The following STAT3 variants were observed in gnomAD, a reference collection of about 807,000 sequenced individuals.
The protein encoded by STAT3 is signal transducer and activator of transcription 3.
Under a neutral mutation model 114.3 loss-of-function variants are expected in STAT3, and 7 were observed. The observed-to-expected ratio is 0.06, with a 90% CI of 0.03 to 0.11. The LOEUF (loss-of-function observed/expected upper bound fraction) is 0.11, where lower values mean the gene tolerates loss of function less well. Among genes scored for constraint, STAT3 ranks in the 10% least tolerant of loss-of-function variants. STAT3 has a pLI of 1.00. For synonymous variants in STAT3, 331 were observed against 354.5 expected, an observed-to-expected ratio of 0.93 and a Z score of 0.74; for missense variants, 364 against 960.9, an observed-to-expected ratio of 0.38 and a Z score of 8.21.
chr17:42,314,188 C>T lies in STAT3; in HGVS notation c.*1557G>A, dbSNP rs1598375353. ...CAGAGGGAGGCCAGGTATACACCCT[C>T]ATACGAGGGCAGACTCAAGTTTATC... On this transcript the variant is annotated 3_prime_UTR_variant, in exon 24 of 24. Coordinates refer to ENST00000264657, the MANE Select transcript of STAT3 (RefSeq NM_139276.3). The T allele has an allele frequency of 4.3e-6, 1 of 232,584 alleles. No homozygotes were observed. Among genetic ancestry groups the T allele is most frequent in the Non-Finnish European group, 8.5e-6 (1 of 117,412 alleles). The allele number at this position is 232,584 out of a possible 1,614,324, so 14.4% of individuals were successfully genotyped here. A position where few individuals can be genotyped will look rare whatever the true frequency, so the allele number is the denominator to read the frequency against.
chr17:42,358,743 T>C (rs1409261542), intron 1 of STAT3, among the ~76,000 whole-genome samples: 1 of 152,098 alleles, frequency 6.6e-6, no homozygotes, highest in Non-Finnish European at 1.5e-5. Flanking sequence ...TTGGGAATGG[T>C]ATTTCACTAC....
intron 1 of STAT3, among the ~76,000 whole-genome samples, chr17:42,370,657 C>A (rs1367475686): frequency 6.6e-6 from 1 of 151,046 alleles, no homozygotes; most frequent in Non-Finnish European, 1.5e-5. Context: ...AGACAGAATC[C>A]TGCTCTGTCA....
Position 42,333,604 on chromosome 17 carries a change from A to C in STAT3, c.1049+69T>G, listed in dbSNP as rs1310884217. 4 of 1,571,924 alleles carry C rather than the reference A, an allele frequency of 2.5e-6. No individual in the cohort carries two copies. The highest frequency in any genetic ancestry group is 1.4e-5 in the African/African-American group (1 of 74,058). On this transcript the variant is annotated intron_variant, in intron 10 of 23. Transcript: ENST00000264657. This position sits in a 1 kb window ranked among gnomAD's most constrained non-coding sequence, Gnocchi z 5.2. ...CCTGGAAAGAATGACCCTGGCCACC[A>C]ACTCTACCCTCACCCTAACAGTGTC...
chr17:42,323,194 C>A (rs530698170), intron 19 of STAT3, 51 bp from the exon 20 acceptor site: 1 of 1,614,178 alleles, frequency 6.2e-7, no homozygotes, highest in Non-Finnish European at 8.5e-7. Flanking sequence ...GGGCATCCAT[C>A]CCCTGCCACT....
chr17:42,366,020 C>T (rs1373638073), intron 1 of STAT3, among the ~76,000 whole-genome samples: 3 of 152,138 alleles, frequency 2.0e-5, no homozygotes, highest in Non-Finnish European at 2.9e-5. Flanking sequence ...TTCAGCCCCA[C>T]TTTCTTTCAA....
intron 11 of STAT3, 86 bp downstream of exon 11, chr17:42,331,386 A>G: frequency 8.2e-7 from 1 of 1,213,890 alleles, no homozygotes; most frequent in Admixed American, 2.0e-5. Flanking sequence ...GAATAAAGAC[A>G]GAGTCTCTAG....
intron 2 of STAT3, among the ~76,000 whole-genome samples, chr17:42,347,479 T>C (rs1008468695): frequency 3.3e-5 from 5 of 152,164 alleles, no homozygotes; most frequent in African/African-American, 1.2e-4. Context: ...CCAAAATCAG[T>C]AGTGAGCCTG....
intron 1 of STAT3, among the ~76,000 whole-genome samples, chr17:42,380,315 G>A (rs1422421950): frequency 9.5e-5 from 14 of 147,858 alleles, no homozygotes; most frequent in Non-Finnish European, 9.0e-5. Context: ...GAGCCACCAT[G>A]CCCGACCTCC....
chr17:42,345,299 G>C (rs2082646708), intron 4 of STAT3: 1 of 427,542 alleles, frequency 2.3e-6, no homozygotes, highest in South Asian at 2.8e-5. Flanking sequence ...AAGAAAATTT[G>C]TCAGAACAAA....
At chr17:42,384,273 C>T (rs539483338) in intron 1 of STAT3, among the ~76,000 whole-genome samples, 5 of 151,270 alleles carry the variant, frequency 3.3e-5, no homozygotes, top group African/African-American at 1.2e-4. Flanking sequence ...GGACTACAGA[C>T]GCCCGCCACA....
chr17:42,329,273 C>G, intron 14 of STAT3, 137 bp downstream of exon 14: 1 of 1,278,806 alleles, frequency 7.8e-7, no homozygotes, highest in East Asian at 2.3e-5. Flanking sequence ...GTCACTTTGG[C>G]CTGAAGTGAC....
intron 1 of STAT3, among the ~76,000 whole-genome samples, chr17:42,369,642 CTTTTT>C: frequency 6.6e-6 from 1 of 151,678 alleles, no homozygotes; most frequent in East Asian, 1.9e-4. Context: ...AATTCAGTTT[CTTTTT>C]TTTGTTTTGT....
intron 1 of STAT3, among the ~76,000 whole-genome samples, chr17:42,348,819 C>A (rs1254499819): frequency 3.9e-5 from 6 of 151,960 alleles, no homozygotes. Flanking sequence ...AGCCAACACA[C>A]CCAGCCTGTT....
chr17:42,347,990 G>A (rs2082773103), intron 2 of STAT3, among the ~76,000 whole-genome samples: 1 of 152,188 alleles, frequency 6.6e-6, no homozygotes, highest in South Asian at 2.1e-4. Flanking sequence ...ATACACCCCT[G>A]TGGCTCCTTC....
At chr17:42,331,266 G>A (rs1484245620) in intron 11 of STAT3, among the ~76,000 whole-genome samples, 1 of 152,138 alleles carries the variant, frequency 6.6e-6, no homozygotes, top group Non-Finnish European at 1.5e-5. Context: ...TGTCACAATA[G>A]CAACCACAAA....
intron 1 of STAT3, among the ~76,000 whole-genome samples, chr17:42,365,678 C>T (rs1455132477): frequency 5.8e-5 from 8 of 137,846 alleles, no homozygotes; most frequent in Non-Finnish European, 9.3e-5. Context: ...TTTTTTGAGA[C>T]GGAGTCTTGC....
chr17:42,362,074 T>A (rs1164609668), intron 1 of STAT3, among the ~76,000 whole-genome samples: 1 of 152,218 alleles, frequency 6.6e-6, no homozygotes, highest in Non-Finnish European at 1.5e-5. Flanking sequence ...GGTATTCAGA[T>A]GGCGGTCACA....
In STAT3 at chr17:42,314,620, C is replaced by T. The variant is rs377364072; in HGVS notation, c.*1125G>A. The T allele has an allele frequency of 2.7e-4, 62 of 231,118 alleles. 2 individuals are homozygous for T. In the South Asian group the frequency reaches 8.4e-3, roughly 31 times the overall value. 14.3% of individuals were successfully genotyped at this position (231,118 alleles called of 1,614,324 possible). A position where few individuals can be genotyped will look rare whatever the true frequency, so the allele number is the denominator to read the frequency against. ...AAGGTTGTAAGCACCCTCTGCCCAG[C>T]CTTACTCACTAAAAGGCCAATACAT... On this transcript the variant is annotated 3_prime_UTR_variant, in exon 24 of 24. Transcript: ENST00000264657.
chr17:42,359,873 A>C (rs1474449904), intron 1 of STAT3, among the ~76,000 whole-genome samples: 2 of 151,922 alleles, frequency 1.3e-5, no homozygotes, highest in Non-Finnish European at 2.9e-5. Flanking sequence ...ATCCTGGCTA[A>C]CACGGTGAAA....
Sources: gnomAD v4.1 joint callset for allele counts (sites outside exome capture counted in the v4.1 genomes callset) on GRCh38, gnomAD v4.1.1 for gene constraint, Gnocchi (gnomAD v3.1) non-coding constraint, MANE v1.5 for transcripts, NCBI Gene and HGNC (gene_info 2026-07-23, HGNC 2026-07-21) for gene names.